Variants in AKT3 observed in about 807,000 individuals in gnomAD.
AKT3 encodes AKT serine/threonine kinase 3.
A neutral mutation model predicts 65.3 loss-of-function variants in AKT3; 15 were observed. That is an observed-to-expected ratio of 0.23 (90% CI 0.15 to 0.35). The LOEUF (loss-of-function observed/expected upper bound fraction) is 0.35. AKT3 is among the 10% of genes least tolerant of loss of function. The probability of loss-of-function intolerance (pLI) is 1.00; values close to 1 mark genes in which losing one functional copy is unlikely to be tolerated. For synonymous variants in AKT3, 206 were observed against 183.8 expected (o/e 1.12, Z -0.98); for missense variants, 243 against 576.5 (o/e 0.42, Z 5.92).
At chr1:243,839,633 G>A (rs1178616418) in intron 2 of AKT3, among the ~76,000 whole-genome samples, 14 of 152,008 alleles carry the variant, frequency 9.2e-5, no homozygotes, top group African/African-American at 1.7e-4. Context: ...TTTATCCTAC[G>A]TAATAATGAA....
chr1:243,730,363 C>A (rs924891285), intron 2 of AKT3, among the ~76,000 whole-genome samples: 6 of 152,162 alleles, frequency 3.9e-5, no homozygotes, highest in Non-Finnish European at 8.8e-5. Flanking sequence ...CAGTTGTCCA[C>A]GTAACCTCAT....
At chr1:243,498,702 T>G (rs1232961346), downstream of AKT3, among the ~76,000 whole-genome samples, 1 of 152,256 alleles carries the variant, frequency 6.6e-6, no homozygotes, top group Non-Finnish European at 1.5e-5. Flanking sequence ...GTTTCACTCA[T>G]TGCCCTGTCT....
chr1:243,734,914 T>C (rs1242711041), intron 2 of AKT3: 1 of 152,204 alleles, frequency 6.6e-6, no homozygotes, highest in Non-Finnish European at 1.5e-5. Flanking sequence ...TTACCTTTTT[T>C]GTTAAAAACT....
chr1:243,589,287 C>T (rs1449971016), intron 8 of AKT3, among the ~76,000 whole-genome samples: 20 of 108,620 alleles, frequency 1.8e-4, no homozygotes, highest in Non-Finnish European at 5.2e-5. Context: ...ACCTAGGCAA[C>T]ACGAGCAAAA....
intron 12 of AKT3, among the ~76,000 whole-genome samples, chr1:243,516,234 A>G (rs1453694254): frequency 6.6e-6 from 1 of 152,200 alleles, no homozygotes; most frequent in Non-Finnish European, 1.5e-5. Context: ...GGTAATTTGT[A>G]TCTTTCAACA....
downstream of AKT3, among the ~76,000 whole-genome samples, chr1:243,496,980 G>A (rs2148313950): frequency 1.3e-5 from 2 of 152,342 alleles, 1 homozygote; most frequent in Middle Eastern, 6.8e-3. Flanking sequence ...CTGCAGGACA[G>A]CCACAGGAGG....
At chr1:243,645,328 A>C (rs1471448007) in intron 5 of AKT3, among the ~76,000 whole-genome samples, 1 of 152,176 alleles carries the variant, frequency 6.6e-6, no homozygotes, top group Non-Finnish European at 1.5e-5. Flanking sequence ...CAATGAAAAA[A>C]TTTATATTGC....
At chr1:243,753,141 C>T (rs893361373) in intron 2 of AKT3, among the ~76,000 whole-genome samples, 9 of 152,154 alleles carry the variant, frequency 5.9e-5, no homozygotes. Flanking sequence ...ACAGGCAACA[C>T]AAAGAATGCG....
At position 243,501,089 on chromosome 1, in the gene AKT3, G is replaced by A. The variant is rs960127861; in HGVS notation, c.*4160C>T. On this transcript the variant is annotated 3_prime_UTR_variant, in exon 14 of 14. Transcript: ENST00000673466. ...TGTGAGAATGCCCTCAAATTTGGCCGTGTGACATACACATACATGCTTGAC... is the reference window on the plus strand; with the variant it reads ...TGTGAGAATGCCCTCAAATTTGGCCATGTGACATACACATACATGCTTGAC... 7.4e-5 allele frequency: 17 copies of A among 230,744 alleles called. No individual in the cohort carries two copies. Among genetic ancestry groups the A allele is most frequent in the African/African-American group, 2.7e-4 (12 of 45,174 alleles). 14.3% of individuals were successfully genotyped at this position (230,744 alleles called of 1,614,324 possible).
intron 11 of AKT3, 145 bp from the exon 12 acceptor site, chr1:243,545,742 A>G (rs1045372731): frequency 1.8e-5 from 11 of 594,814 alleles, no homozygotes; most frequent in African/African-American, 1.7e-4. Context: ...AGCTTTTGCT[A>G]TAAGATCTAT....
chr1:243,671,399 A>G (rs563381757), intron 3 of AKT3, among the ~76,000 whole-genome samples: 7 of 152,256 alleles, frequency 4.6e-5, no homozygotes, highest in South Asian at 2.1e-4. Context: ...TTTTTATTAA[A>G]TCACATAATG....
intron 2 of AKT3, among the ~76,000 whole-genome samples, chr1:243,825,063 T>C (rs1357020344): frequency 3.3e-5 from 5 of 152,188 alleles, no homozygotes; most frequent in Admixed American, 6.5e-5. Flanking sequence ...CATGGAATAC[T>C]ATATAGCCAT....
chr1:243,533,631 C>G (rs1574554308), intron 12 of AKT3, among the ~76,000 whole-genome samples: 1 of 152,164 alleles, frequency 6.6e-6, no homozygotes, highest in African/African-American at 2.4e-5. Context: ...CTCAATTAAA[C>G]CAGAGAAGGC....
At chr1:243,747,444 CT>C (rs1489221966) in intron 2 of AKT3, among the ~76,000 whole-genome samples, 1 of 152,110 alleles carries the variant, frequency 6.6e-6, no homozygotes, top group African/African-American at 2.4e-5. Context: ...TTAATGACTG[CT>C]TCAACAAAAT....
chr1:243,637,247 T>C (rs1181220009), intron 6 of AKT3, among the ~76,000 whole-genome samples: 6 of 151,894 alleles, frequency 4.0e-5, no homozygotes, highest in African/African-American at 9.7e-5. Context: ...TTAGAATTTA[T>C]GAGTAAAAAT....
Position 243,756,958 on chromosome 1 carries a change from A to T in AKT3, c.47-61242T>A, listed in dbSNP as rs547804610. Among the ~76,000 whole-genome samples the T allele has an allele frequency of 2.0e-5, 3 of 152,328 alleles. No homozygotes were observed. In the South Asian group the frequency reaches 6.2e-4, roughly 32 times the overall value. On this transcript the variant is annotated intron_variant, in intron 2 of 13. Coordinates refer to ENST00000673466, the MANE Select transcript of AKT3 (RefSeq NM_005465.7). The stretch of plus-strand genomic sequence containing the variant: ...GCCAAAAATGTATAACCTACATCTA[A>T]TCAGGAAGAAACATTAGACAAACTC...
downstream of AKT3, among the ~76,000 whole-genome samples, chr1:243,496,926 G>A (rs1456973192): frequency 2.0e-5 from 3 of 152,258 alleles, no homozygotes; most frequent in East Asian, 1.9e-4. Flanking sequence ...TGGACAGCAC[G>A]GCAGGGGAGC....
intron 12 of AKT3, among the ~76,000 whole-genome samples, chr1:243,544,571 G>C (rs1441244694): frequency 1.3e-5 from 2 of 152,078 alleles, no homozygotes; most frequent in Admixed American, 6.6e-5. Flanking sequence ...AGCTGTGATC[G>C]TGCCGTGCCA....
At chr1:243,821,888 C>G (rs1013045203) in intron 2 of AKT3, among the ~76,000 whole-genome samples, 1 of 152,180 alleles carries the variant, frequency 6.6e-6, no homozygotes, top group Non-Finnish European at 1.5e-5. Context: ...AGAAAATTAA[C>G]AAGGATATTC....
Sources: gnomAD v4.1 joint callset for allele counts (sites outside exome capture counted in the v4.1 genomes callset) on GRCh38, gnomAD v4.1.1 for gene constraint, MANE v1.5 for transcripts, NCBI Gene and HGNC (gene_info 2026-07-23, HGNC 2026-07-21) for gene names.